DOCK3: variants seen among roughly 807,000 people sequenced by gnomAD.
DOCK3 encodes dedicator of cytokinesis 3, also known as dedicator of cytokinesis protein 3.
In DOCK3, 60 loss-of-function variants were observed where a neutral mutation model predicts 265.6. That is an observed-to-expected ratio of 0.23 (90% CI 0.18 to 0.28). DOCK3 has a LOEUF of 0.28. Ranked by LOEUF, DOCK3 falls within the 10% of genes least tolerant of loss-of-function variation. DOCK3 has a pLI of 1.00. For missense variants in DOCK3, 1,981 were observed against 2,594.3 expected (o/e 0.76, Z 5.14); for synonymous variants, 881 against 938.0 (o/e 0.94, Z 1.11).
intron 23 of DOCK3, among the ~76,000 whole-genome samples, chr3:51,263,371 G>A (rs2079966735): frequency 6.6e-6 from 1 of 152,184 alleles, no homozygotes; most frequent in South Asian, 2.1e-4. Context: ...AGCAAATGCT[G>A]AGAGATTTTG....
At chr3:51,294,669 C>T (rs540345239) in intron 27 of DOCK3, among the ~76,000 whole-genome samples, 1 of 136,404 alleles carries the variant, frequency 7.3e-6, no homozygotes, top group South Asian at 2.3e-4. Flanking sequence ...CAGAGAGAGA[C>T]TCTATCTCAA....
chr3:51,048,363 CAG>C (rs1196332180), intron 5 of DOCK3, among the ~76,000 whole-genome samples: 1 of 152,052 alleles, frequency 6.6e-6, no homozygotes, highest in Non-Finnish European at 1.5e-5. Flanking sequence ...CAACATGGTA[CAG>C]GTTGAATATC....
intron 5 of DOCK3, among the ~76,000 whole-genome samples, chr3:50,977,873 T>G (rs1203749622): frequency 1.3e-5 from 2 of 151,938 alleles, no homozygotes; most frequent in Non-Finnish European, 2.9e-5. Flanking sequence ...AAACTTCCCT[T>G]CTCGCTTCAT....
intron 22 of DOCK3, among the ~76,000 whole-genome samples, chr3:51,249,323 A>C (rs1429736156): frequency 1.3e-5 from 1 of 76,174 alleles, no homozygotes; most frequent in African/African-American, 5.3e-5. Context: ...TCCGGGAGGG[A>C]GGTGGGGGGT....
At position 51,375,834 on chromosome 3, in the gene DOCK3, A is replaced by T. The variant is rs1390001077; in HGVS notation, c.5499A>T (p.Lys1833Asn). 6.2e-7 allele frequency: 1 copy of T among 1,613,734 alleles called. No homozygotes were observed. The highest frequency in any genetic ancestry group is 2.2e-5 in the East Asian group (1 of 44,874). ...CSDPNLSVAE[K>N]GHYSLHFDAF... ...ATCCCAATCTGTCTGTGGCTGAAAA[A>T]GGTATTGTTGCCCAGGTGGCCTTCC... is the stretch of plus-strand genomic sequence containing the variant. The change falls in exon 51 of 53, where the codon AAA becomes AAT. Residue 1833 changes from lysine to asparagine, a missense_variant and splice_region_variant. Lys to Asn is a moderately conservative substitution (Grantham distance 94). Coordinates refer to ENST00000266037, the MANE Select transcript of DOCK3 (RefSeq NM_004947.5).
chr3:51,205,989 A>G (rs758621082), intron 12 of DOCK3, among the ~76,000 whole-genome samples: 6 of 152,230 alleles, frequency 3.9e-5, no homozygotes, highest in African/African-American at 1.2e-4. Flanking sequence ...TCTTTCAAGC[A>G]TACTTCCAGC....
intron 2 of DOCK3, among the ~76,000 whole-genome samples, chr3:50,809,319 A>G (rs2043605329): frequency 6.6e-6 from 1 of 152,208 alleles, no homozygotes; most frequent in African/African-American, 2.4e-5. Context: ...AAACATATGG[A>G]AAGGTGCTTA....
intron 2 of DOCK3, among the ~76,000 whole-genome samples, chr3:50,779,616 T>A (rs2041814118): frequency 6.6e-6 from 1 of 152,148 alleles, no homozygotes; most frequent in African/African-American, 2.4e-5. Context: ...ACTCCTGACC[T>A]CAGCTGATCC....
chr3:51,211,297 T>G (rs2108176213), intron 13 of DOCK3, among the ~76,000 whole-genome samples: 2 of 152,282 alleles, frequency 1.3e-5, no homozygotes, highest in Middle Eastern at 3.4e-3. Context: ...GGTTTTCTTG[T>G]GTCAGGTAAT....
chr3:50,922,450 T>G (rs943833324), intron 4 of DOCK3, among the ~76,000 whole-genome samples: 3 of 152,258 alleles, frequency 2.0e-5, no homozygotes, highest in Non-Finnish European at 4.4e-5. Flanking sequence ...AGTTACTGTC[T>G]GTCATGGCTT....
chr3:50,975,689 A>G (rs964259788), intron 5 of DOCK3, among the ~76,000 whole-genome samples: 13 of 152,146 alleles, frequency 8.5e-5, no homozygotes, highest in East Asian at 1.9e-4. Context: ...CTCTTTTCCT[A>G]TAGATTGGAA....
rs748605077 is a variant in DOCK3 at position 51,360,548 on chromosome 3, C to T, written c.4922C>T (p.Ser1641Leu). Residue 1641 changes from serine to leucine, a missense_variant, in exon 47 of 53, where the codon TCA (serine) becomes TTA (leucine). By Grantham distance (145) the Ser-to-Leu change is moderately radical. Transcript: ENST00000266037. ...TTGGATAAGCTAAGTCCTGCATGTT[C>T]AGGCACCAGCACCCCACGGGGAAAT... ...PGLDKLSPAC[S>L]GTSTPRGNVL... The T allele has an allele frequency of 6.2e-7, 1 of 1,612,878 alleles. No individual in the cohort carries two copies. Among genetic ancestry groups the T allele is most frequent in the Non-Finnish European group, 8.5e-7 (1 of 1,179,478 alleles).
At chr3:51,168,339 C>T (rs143234556) in intron 12 of DOCK3, among the ~76,000 whole-genome samples, 5,196 of 152,280 alleles carry the variant, frequency 0.034, 701 homozygotes, top group East Asian at 0.32. Context: ...TGACTTCAAG[C>T]TATACTACAG....
chr3:51,266,880 G>A (rs1050440954), intron 23 of DOCK3, among the ~76,000 whole-genome samples: 1 of 152,214 alleles, frequency 6.6e-6, no homozygotes, highest in Non-Finnish European at 1.5e-5. Flanking sequence ...TATCATCAGA[G>A]TGAACAGGCA....
intron 3 of DOCK3, among the ~76,000 whole-genome samples, chr3:50,848,796 A>C (rs553516213): frequency 6.6e-6 from 1 of 152,212 alleles, no homozygotes; most frequent in East Asian, 1.9e-4. Flanking sequence ...ATAGCACCTC[A>C]CAGGTGTTCC....
intron 1 of DOCK3, among the ~76,000 whole-genome samples, chr3:50,715,282 G>A (rs999989908): frequency 1.3e-5 from 2 of 152,190 alleles, no homozygotes; most frequent in Non-Finnish European, 2.9e-5. Flanking sequence ...GCGTGGTGGC[G>A]GCTCATGCCT....
intron 3 of DOCK3, among the ~76,000 whole-genome samples, chr3:50,887,968 C>G (rs2048425225): frequency 1.3e-5 from 2 of 152,184 alleles, no homozygotes; most frequent in Admixed American, 1.3e-4. Flanking sequence ...GATGCCCTCT[C>G]TCACCACTCC....
intron 4 of DOCK3, among the ~76,000 whole-genome samples, chr3:50,912,296 C>G (rs1229055607): frequency 6.6e-6 from 1 of 152,074 alleles, no homozygotes; most frequent in African/African-American, 2.4e-5. Context: ...CCCAAACAAG[C>G]AAAATCTCCC....
intron 2 of DOCK3, among the ~76,000 whole-genome samples, chr3:50,792,789 T>G (rs994941719): frequency 6.6e-6 from 1 of 152,230 alleles, no homozygotes; most frequent in Non-Finnish European, 1.5e-5. Flanking sequence ...AAATTGGTCA[T>G]AGTGGATAAG....
Sources: gnomAD v4.1 joint callset for allele counts (sites outside exome capture counted in the v4.1 genomes callset) on GRCh38, gnomAD v4.1.1 for gene constraint, MANE v1.5 for transcripts, NCBI Gene and HGNC (gene_info 2026-07-23, HGNC 2026-07-21) for gene names.